Variants in MYCBP2 observed in about 807,000 individuals in gnomAD.
The protein encoded by MYCBP2 is E3 ubiquitin-protein ligase MYCBP2.
In MYCBP2, 120 loss-of-function variants were observed where a neutral mutation model predicts 525.3. The observed-to-expected ratio is 0.23, with a 90% CI of 0.20 to 0.27. The LOEUF (loss-of-function observed/expected upper bound fraction) is 0.27, where lower values mean the gene tolerates loss of function less well. Ranked by LOEUF, MYCBP2 falls within the 10% of genes least tolerant of loss-of-function variation. The probability of loss-of-function intolerance (pLI) is 1.00; values close to 1 mark genes in which losing one functional copy is unlikely to be tolerated. For synonymous variants in MYCBP2, 1,894 were observed against 1,955.8 expected, an observed-to-expected ratio of 0.97 and a Z score of 0.83; for missense variants, 4,149 against 5,657.1, an observed-to-expected ratio of 0.73 and a Z score of 8.55.
At chr13:77,244,074 T>A (rs970978818) in intron 15 of MYCBP2, 123 bp from the exon 16 acceptor site, 32 of 1,077,362 alleles carry the variant, frequency 3.0e-5, no homozygotes, top group Admixed American at 9.8e-5. Context: ...AGCAATGAAA[T>A]CACCTCTTTA....
At chr13:77,134,749 T>G (rs1324082718) in intron 52 of MYCBP2, among the ~76,000 whole-genome samples, 1 of 152,196 alleles carries the variant, frequency 6.6e-6, no homozygotes. Flanking sequence ...TCTAATGTTA[T>G]TTTGTCTCTC....
intron 17 of MYCBP2, among the ~76,000 whole-genome samples, chr13:77,235,889 AG>A (rs2067846004): frequency 6.6e-6 from 1 of 152,054 alleles, no homozygotes. Flanking sequence ...AGTAGCATAA[AG>A]GTTCAGAGGT....
chr13:77,087,595 A>T lies in MYCBP2; in HGVS notation c.10764T>A (p.Thr3588=). 6.2e-7 allele frequency: 1 copy of T among 1,613,286 alleles called. No individual in the cohort carries two copies. The highest frequency in any genetic ancestry group is 8.5e-7 in the Non-Finnish European group (1 of 1,179,552). The change falls in exon 62 of 83, where the codon ACT becomes ACA. Residue 3588 remains threonine (T), a synonymous_variant. Transcript: ENST00000544440. ...AATGCCACAGAATATCATGGAGAGAAGTGGTTTGGATGACATTACACAGAA... is the reference window on the plus strand; with the variant it reads ...AATGCCACAGAATATCATGGAGAGATGTGGTTTGGATGACATTACACAGAA... ...NWLLCNVIQT[T]SLHDILWHFV...
chr13:77,292,958 C>CAG (rs2077646366), intron 2 of MYCBP2, among the ~76,000 whole-genome samples: 1 of 61,290 alleles, frequency 1.6e-5, no homozygotes, highest in South Asian at 6.3e-4. Context: ...GACTCCGTCT[C>CAG]AAAAAAAAAA....
chr13:77,182,521 A>G (rs866502670), intron 32 of MYCBP2, among the ~76,000 whole-genome samples: 5 of 152,266 alleles, frequency 3.3e-5, no homozygotes, highest in Admixed American at 6.5e-5. Context: ...AAAGTTAAGC[A>G]TAAAAGCAGA....
At chr13:77,300,854 C>A (rs1296169896) in intron 1 of MYCBP2, among the ~76,000 whole-genome samples, 1 of 152,118 alleles carries the variant, frequency 6.6e-6, no homozygotes, top group East Asian at 1.9e-4. Context: ...AACAAAAAAT[C>A]CAGAGGTGGA....
intron 34 of MYCBP2, among the ~76,000 whole-genome samples, chr13:77,179,308 C>A (rs1419402756): frequency 6.6e-6 from 1 of 152,144 alleles, no homozygotes; most frequent in Non-Finnish European, 1.5e-5. Context: ...ATTAAACATT[C>A]ATTTGAATGA....
At chr13:77,279,828 T>C (rs2076005565) in intron 3 of MYCBP2, among the ~76,000 whole-genome samples, 1 of 152,228 alleles carries the variant, frequency 6.6e-6, no homozygotes, top group East Asian at 1.9e-4. Flanking sequence ...AGTCATGCTA[T>C]ATAATTCATA....
At chr13:77,245,138 C>T (rs564843741) in intron 15 of MYCBP2, among the ~76,000 whole-genome samples, 50 of 152,290 alleles carry the variant, frequency 3.3e-4, no homozygotes, top group African/African-American at 5.1e-4. Flanking sequence ...GAAATAGGAA[C>T]GCTTTTACAC....
At chr13:77,183,074 T>A (rs1363095555) in intron 32 of MYCBP2, among the ~76,000 whole-genome samples, 1 of 152,220 alleles carries the variant, frequency 6.6e-6, no homozygotes, top group Non-Finnish European at 1.5e-5. Flanking sequence ...CGATTTTCAA[T>A]TATTTAACTA....
intron 55 of MYCBP2, among the ~76,000 whole-genome samples, chr13:77,114,265 T>C (rs745616230): frequency 6.6e-5 from 10 of 152,126 alleles, no homozygotes; most frequent in African/African-American, 9.6e-5. Context: ...CAAGAATAGA[T>C]TGCTCTCTTT....
At chr13:77,282,874 T>C (rs927423966) in intron 3 of MYCBP2, among the ~76,000 whole-genome samples, 1 of 152,182 alleles carries the variant, frequency 6.6e-6, no homozygotes, top group Admixed American at 6.5e-5. Context: ...TTATAGCCAA[T>C]TTATTACTAA....
intron 69 of MYCBP2, among the ~76,000 whole-genome samples, chr13:77,069,267 C>A (rs1048850133): frequency 1.9e-4 from 29 of 152,112 alleles, no homozygotes; most frequent in Non-Finnish European, 4.0e-4. Context: ...TGAAACACTG[C>A]TAGAAAGATA....
intron 23 of MYCBP2, among the ~76,000 whole-genome samples, chr13:77,207,566 G>C (rs1051594965): frequency 5.3e-5 from 8 of 152,060 alleles, no homozygotes; most frequent in Non-Finnish European, 1.2e-4. Context: ...ACTGACTGCA[G>C]ACTTTCAAAA....
intron 52 of MYCBP2, among the ~76,000 whole-genome samples, chr13:77,128,012 G>A (rs905764337): frequency 1.3e-5 from 2 of 151,364 alleles, no homozygotes; most frequent in Non-Finnish European, 3.0e-5. Context: ...GAAATTTAAC[G>A]GAAATGAGAA....
chr13:77,166,436 C>T lies in MYCBP2; in HGVS notation c.6233G>A (p.Gly2078Glu). ...AACAGATGTCAATTTTGGTCCATAT[C>T]CTGAATTCTGAACAGTTCTGACAGG... Reference protein sequence around the residue: ...LIPVRTVQNSGYGPKLTSVHE... With the variant: ...LIPVRTVQNSEYGPKLTSVHE... Residue 2078 changes from glycine to glutamate, a missense_variant, in exon 41 of 83, where the codon GGA (glycine) becomes GAA (glutamate). Physicochemically the swap from Gly to Glu is moderately conservative, Grantham distance 98. Coordinates refer to ENST00000544440, the MANE Select transcript of MYCBP2 (RefSeq NM_015057.5). 1 of 1,613,902 alleles carries T rather than the reference C, an allele frequency of 6.2e-7. No homozygotes were observed. Among genetic ancestry groups the T allele is most frequent in the Non-Finnish European group, 8.5e-7 (1 of 1,179,874 alleles).
chr13:77,113,194 G>A (rs1157962564), intron 55 of MYCBP2, among the ~76,000 whole-genome samples: 1 of 152,132 alleles, frequency 6.6e-6, no homozygotes, highest in African/African-American at 2.4e-5. Context: ...CTCCTTGCCT[G>A]ATAAATTCTC....
intron 15 of MYCBP2, 72 bp from the exon 16 acceptor site, chr13:77,244,023 TATAACTTATTTTCC>T: frequency 1.4e-6 from 2 of 1,406,634 alleles, no homozygotes; most frequent in Non-Finnish European, 1.9e-6. Context: ...AACTCTTTTC[TATAACTTATTTTCC>T]ACATTTTTGA....
chr13:77,105,694 T>C (rs890042230), intron 55 of MYCBP2, among the ~76,000 whole-genome samples: 37 of 152,250 alleles, frequency 2.4e-4, no homozygotes, highest in Non-Finnish European at 5.0e-4. Context: ...TTAATACAGA[T>C]AAGACAACCA....
Sources: allele counts gnomAD v4.1 joint callset (sites outside exome capture counted in the v4.1 genomes callset), GRCh38; gene constraint gnomAD v4.1.1; transcripts MANE v1.5; gene names NCBI Gene and HGNC (gene_info 2026-07-23, HGNC 2026-07-21).